Variants in KIRREL3 observed in about 807,000 individuals in gnomAD.
KIRREL3 encodes the protein kin of IRRE-like protein 3.
In KIRREL3, 36 loss-of-function variants were observed where a neutral mutation model predicts 89.7. The observed-to-expected ratio is 0.40, with a 90% CI of 0.31 to 0.53. KIRREL3 has a LOEUF of 0.53. KIRREL3 is among the 20% of genes least tolerant of loss of function. KIRREL3 has a pLI of 0.49. For synonymous variants in KIRREL3, 445 were observed against 441.4 expected (o/e 1.01, Z -0.10); for missense variants, 864 against 1,056.6 (o/e 0.82, Z 2.53).
intron 5 of KIRREL3, among the ~76,000 whole-genome samples, chr11:126,464,770 G>A (rs916668200): frequency 2.0e-5 from 3 of 152,184 alleles, no homozygotes; most frequent in African/African-American, 7.2e-5. Context: ...GAGGGGCACA[G>A]CCCTGCTGAC....
chr11:126,742,492 C>G lies in KIRREL3; in HGVS notation c.56-179580G>C, dbSNP rs548117933. ...GTGGCTCACAGAAGCATCTCACACC[C>G]CAGGTCATAAGACACACAACATGGA... On this transcript the variant is annotated intron_variant, in intron 1 of 16. Transcript: ENST00000525144. The surrounding 1 kb of genome is among the most constrained non-coding windows in gnomAD (Gnocchi z 5.3). 6.6e-6 allele frequency among the ~76,000 whole-genome samples: 1 copy of G among 152,230 alleles called. No homozygotes were observed. Among genetic ancestry groups the G allele is most frequent in the African/African-American group, 2.4e-5 (1 of 41,524 alleles).
At chr11:126,781,962 A>G (rs1950339325) in intron 1 of KIRREL3, among the ~76,000 whole-genome samples, 1 of 152,218 alleles carries the variant, frequency 6.6e-6, no homozygotes, top group African/African-American at 2.4e-5. Flanking sequence ...ATTCCTTTTA[A>G]AACAAGACCT....
At chr11:126,798,273 T>G (rs865887584) in intron 1 of KIRREL3, among the ~76,000 whole-genome samples, 1 of 152,150 alleles carries the variant, frequency 6.6e-6, no homozygotes, top group South Asian at 2.1e-4. Flanking sequence ...TTCTTCCTTT[T>G]CTTTCCCAGA....
intron 1 of KIRREL3, among the ~76,000 whole-genome samples, chr11:126,841,653 A>G (rs1318152225): frequency 6.6e-6 from 1 of 152,214 alleles, no homozygotes; most frequent in Admixed American, 6.5e-5. Flanking sequence ...ATGTTTGTTT[A>G]TTGAAAGAAA....
rs1029852411 is a variant in KIRREL3, at chr11:126,558,721, G to C, written c.133+4114C>G. ...TGCCTGGGAATAGGATCAGGTCTGG[G>C]GAAGCCATGTGCTTTGAGAAGGTGA... On this transcript the variant is annotated intron_variant, in intron 2 of 16. Transcript: ENST00000525144. This position sits in a 1 kb window ranked among gnomAD's most constrained non-coding sequence, Gnocchi z 4.0. Among the ~76,000 whole-genome samples the C allele has an allele frequency of 2.0e-5, 3 of 152,206 alleles. No homozygotes were observed. Among genetic ancestry groups the C allele is most frequent in the African/African-American group, 7.2e-5 (3 of 41,456 alleles).
intron 6 of KIRREL3, among the ~76,000 whole-genome samples, chr11:126,457,194 T>TGTGTGTGTGTGTGTGTGTGTGTGTGTGTA (rs1555111653): frequency 7.9e-6 from 1 of 125,888 alleles, no homozygotes; most frequent in East Asian, 3.0e-4. Context: ...TATGTGTGTG[T>TGTGTGTGTGTGTGTGTGTGTGTGTGTGTA]GTGTGTGTGT....
intron 1 of KIRREL3, among the ~76,000 whole-genome samples, chr11:126,733,084 G>A (rs1592043228): frequency 6.6e-6 from 1 of 152,234 alleles, no homozygotes; most frequent in Non-Finnish European, 1.5e-5. Flanking sequence ...AAGTAAGAGT[G>A]CAACCCTCCA....
chr11:126,586,303 T>C (rs1417186062), intron 1 of KIRREL3, among the ~76,000 whole-genome samples: 1 of 152,108 alleles, frequency 6.6e-6, no homozygotes, highest in Admixed American at 6.5e-5. Flanking sequence ...GCGCTGCCGT[T>C]TCCCTGGTTT....
chr11:126,622,900 A>G lies in KIRREL3; in HGVS notation c.56-59988T>C, dbSNP rs186677534. ...TTCATCCTTATGAAAAGCAGATACT[A>G]TCATTAGCTACATTTCATAATGAGG... On this transcript the variant is annotated intron_variant, in intron 1 of 16. Transcript: ENST00000525144. The surrounding 1 kb of genome is among the most constrained non-coding windows in gnomAD (Gnocchi z 5.2). Among the ~76,000 whole-genome samples, 375 of 152,292 alleles carry G rather than the reference A, an allele frequency of 2.5e-3. No individual in the cohort carries two copies. The highest frequency in any genetic ancestry group is 4.5e-3 in the Non-Finnish European group (309 of 68,012).
rs1177126461 is a variant in KIRREL3 at position 126,544,500 on chromosome 11, C to G, written c.134-17813G>C. ...ACTGCTTCCTTCCCTTGATTTATTG[C>G]AGGATGATAGGTCTGGGACTGGGGG... On this transcript the variant is annotated intron_variant, in intron 2 of 16. Coordinates refer to ENST00000525144, the MANE Select transcript of KIRREL3 (RefSeq NM_032531.4). The surrounding 1 kb of genome is among the most constrained non-coding windows in gnomAD (Gnocchi z 5.6). Among the ~76,000 whole-genome samples the G allele has an allele frequency of 6.6e-6, 1 of 152,112 alleles. No homozygotes were observed. The highest frequency in any genetic ancestry group is 1.5e-5 in the Non-Finnish European group (1 of 68,030).
chr11:126,580,825 C>T (rs1002913179), intron 1 of KIRREL3, among the ~76,000 whole-genome samples: 2 of 142,046 alleles, frequency 1.4e-5, no homozygotes, highest in East Asian at 2.3e-4. Flanking sequence ...TACCTGTTCC[C>T]GGAATTTCCT....
In KIRREL3 at chr11:126,508,108, G is replaced by T. The variant is rs543333558; in HGVS notation, c.433+13207C>A. Among the ~76,000 whole-genome samples the T allele has an allele frequency of 3.0e-4, 45 of 152,316 alleles. No individual in the cohort carries two copies. The highest frequency in any genetic ancestry group is 1.1e-3 in the African/African-American group (45 of 41,552). On this transcript the variant is annotated intron_variant, in intron 4 of 16. Coordinates refer to ENST00000525144, the MANE Select transcript of KIRREL3 (RefSeq NM_032531.4). This position sits in a 1 kb window ranked among gnomAD's most constrained non-coding sequence, Gnocchi z 4.9. ...CTTTCTTGCCTGCACCACTGAAGCT[G>T]CTGGGTGATCTCTCAGCTGCTAACA...
Position 126,511,781 on chromosome 11 carries a change from C to T in KIRREL3, c.433+9534G>A, listed in dbSNP as rs576613506. Among the ~76,000 whole-genome samples, 25 of 152,362 alleles carry T rather than the reference C, an allele frequency of 1.6e-4. No individual in the cohort carries two copies. The East Asian group carries it at 4.2e-3, about 26-fold the overall frequency. On this transcript the variant is annotated intron_variant, in intron 4 of 16. Coordinates refer to ENST00000525144, the MANE Select transcript of KIRREL3 (RefSeq NM_032531.4). Reference sequence around the variant, plus strand: ...CTTCCATTTAGTGGCATTTTCCTTTCTCATTTCATGCTGTAATGGAGATTC... The same window carrying T: ...CTTCCATTTAGTGGCATTTTCCTTTTTCATTTCATGCTGTAATGGAGATTC...
rs558197137 is a variant in KIRREL3, at chr11:126,424,171, G to C, written c.*409C>G. ...GGCTGTATGGGAGCACAGGCACAGGGGTAGGTAGAGCTTCTGGTCAGCGAG... is the reference window on the plus strand; with the variant it reads ...GGCTGTATGGGAGCACAGGCACAGGCGTAGGTAGAGCTTCTGGTCAGCGAG... On this transcript the variant is annotated 3_prime_UTR_variant, in exon 17 of 17. Transcript: ENST00000525144. The C allele has an allele frequency of 3.2e-4, 82 of 258,002 alleles. No homozygotes were observed. The highest frequency in any genetic ancestry group is 6.3e-4 in the Admixed American group (13 of 20,762). The allele number at this position is 258,002 out of a possible 1,614,324, so 16.0% of individuals were successfully genotyped here.
intron 1 of KIRREL3, among the ~76,000 whole-genome samples, chr11:126,706,586 C>T (rs946047942): frequency 2.5e-4 from 38 of 152,162 alleles, no homozygotes; most frequent in African/African-American, 9.2e-4. Flanking sequence ...GGTACCATGC[C>T]ACCAGTGGTA....
Position 126,729,910 on chromosome 11 carries a change from A to C in KIRREL3, c.56-166998T>G, listed in dbSNP as rs907669384. On this transcript the variant is annotated intron_variant, in intron 1 of 16. Transcript: ENST00000525144. This position sits in a 1 kb window ranked among gnomAD's most constrained non-coding sequence, Gnocchi z 4.5. The stretch of plus-strand genomic sequence containing the variant: ...CAGTCCTTTGAGGTATCTGGCAGAC[A>C]GTTTTCTGCCCTTCCCTTCCTTGAC... Among the ~76,000 whole-genome samples the C allele has an allele frequency of 1.3e-5, 2 of 152,086 alleles. No individual in the cohort carries two copies. Among genetic ancestry groups the C allele is most frequent in the African/African-American group, 4.8e-5 (2 of 41,422 alleles).
intron 1 of KIRREL3, among the ~76,000 whole-genome samples, chr11:126,923,215 T>TCTACTTCTTCTA (rs1947494140): frequency 5.3e-5 from 1 of 18,924 alleles, no homozygotes; most frequent in Non-Finnish European, 1.0e-4. Context: ...TTCTTCTTCT[T>TCTACTTCTTCTA]CTTCTTCTTC....
rs36218965 is a variant in KIRREL3 at position 126,856,555 on chromosome 11, GTATATATATATATATA to G, written c.55+143884_55+143899del. 3.2e-3 allele frequency among the ~76,000 whole-genome samples: 443 copies of G among 136,738 alleles called. 4 individuals carry two copies. Among genetic ancestry groups the G allele is most frequent in the Middle Eastern group, 0.012 (3 of 242 alleles). 89.7% of individuals were successfully genotyped at this position (136,738 alleles called of 152,430 possible). ...GTATTTTCTGATAACATTTTTCTAA[GTATATATATATATATA>G]TATATATATATATATATATATATAT... On this transcript the variant is annotated intron_variant, in intron 1 of 16. Coordinates refer to ENST00000525144, the MANE Select transcript of KIRREL3 (RefSeq NM_032531.4).
intron 1 of KIRREL3, among the ~76,000 whole-genome samples, chr11:126,727,784 A>G (rs1396942209): frequency 6.6e-6 from 1 of 152,246 alleles, no homozygotes; most frequent in African/African-American, 2.4e-5. Flanking sequence ...GGACAAAAGA[A>G]CTAAACGAAG....
Sources: gnomAD v4.1 joint callset for allele counts (sites outside exome capture counted in the v4.1 genomes callset) on GRCh38, gnomAD v4.1.1 for gene constraint, Gnocchi (gnomAD v3.1) non-coding constraint, MANE v1.5 for transcripts, NCBI Gene and HGNC (gene_info 2026-07-23, HGNC 2026-07-21) for gene names.